The following PCDH9 variants were observed in gnomAD, a reference collection of about 807,000 sequenced individuals.
The protein encoded by PCDH9 is protocadherin-9.
A neutral mutation model predicts 70.6 loss-of-function variants in PCDH9; 24 were observed. The observed-to-expected ratio is 0.34, with a 90% CI of 0.25 to 0.48. The LOEUF (loss-of-function observed/expected upper bound fraction) is 0.48. Ranked by LOEUF, PCDH9 falls within the 20% of genes least tolerant of loss-of-function variation. The pLI is 0.99. For missense variants in PCDH9, 1,281 were observed against 1,503.6 expected, an observed-to-expected ratio of 0.85 and a Z score of 2.45; for synonymous variants, 562 against 558.5, an observed-to-expected ratio of 1.01 and a Z score of -0.09.
chr13:66,527,323 A>C (rs933318179), intron 4 of PCDH9, among the ~76,000 whole-genome samples: 1 of 151,876 alleles, frequency 6.6e-6, no homozygotes, highest in Non-Finnish European at 1.5e-5. Context: ...ATTTTTCTCT[A>C]AATTAAAAGA....
intron 2 of PCDH9, among the ~76,000 whole-genome samples, chr13:67,109,615 C>A (rs1472473818): frequency 6.6e-6 from 1 of 152,118 alleles, no homozygotes; most frequent in Non-Finnish European, 1.5e-5. Flanking sequence ...ATAAAAGTCT[C>A]TATAAAAGTT....
chr13:67,002,409 T>C (rs887750938), intron 2 of PCDH9, among the ~76,000 whole-genome samples: 1 of 151,996 alleles, frequency 6.6e-6, no homozygotes, highest in African/African-American at 2.4e-5. Flanking sequence ...ATACGTGATA[T>C]TGTATTTTAT....
intron 3 of PCDH9, among the ~76,000 whole-genome samples, chr13:66,746,586 G>C (rs2079367687): frequency 6.6e-6 from 1 of 152,070 alleles, no homozygotes; most frequent in African/African-American, 2.4e-5. Flanking sequence ...AAAATCAGTT[G>C]ACAGCCTTAA....
intron 3 of PCDH9, among the ~76,000 whole-genome samples, chr13:66,772,145 A>C (rs546430202): frequency 6.6e-6 from 1 of 152,330 alleles, no homozygotes; most frequent in African/African-American, 2.4e-5. Context: ...CTTTATGTAC[A>C]AGAAGCCACC....
At chr13:66,908,877 TGTC>T (rs1454588020) in intron 2 of PCDH9, among the ~76,000 whole-genome samples, 2 of 152,112 alleles carry the variant, frequency 1.3e-5, no homozygotes, top group African/African-American at 4.8e-5. Context: ...AAAATGAAAA[TGTC>T]GTATGATAAA....
intron 3 of PCDH9, among the ~76,000 whole-genome samples, chr13:66,891,026 A>T (rs751826196): frequency 6.6e-6 from 1 of 151,990 alleles, no homozygotes; most frequent in Non-Finnish European, 1.5e-5. Context: ...CCTTTTCCAG[A>T]ATGTCGCAGA....
At chr13:66,598,481 T>C (rs2077128835) in intron 4 of PCDH9, among the ~76,000 whole-genome samples, 1 of 151,802 alleles carries the variant, frequency 6.6e-6, no homozygotes, top group South Asian at 2.1e-4. Context: ...AATGAAGTAT[T>C]TGAGTCAGAA....
intron 2 of PCDH9, among the ~76,000 whole-genome samples, chr13:66,994,636 GT>G (rs2084072843): frequency 1.3e-5 from 2 of 152,224 alleles, no homozygotes; most frequent in Non-Finnish European, 2.9e-5. Context: ...AGCTGAGCCT[GT>G]CCAGAGGCTA....
chr13:66,307,897 T>C (rs1294392780), intron 4 of PCDH9, among the ~76,000 whole-genome samples: 1 of 152,216 alleles, frequency 6.6e-6, no homozygotes, highest in East Asian at 1.9e-4. Context: ...TTTTAAGAAA[T>C]ATAATTTATC....
At chr13:67,055,303 T>C (rs1384286596) in intron 2 of PCDH9, among the ~76,000 whole-genome samples, 1 of 152,230 alleles carries the variant, frequency 6.6e-6, no homozygotes, top group Non-Finnish European at 1.5e-5. Flanking sequence ...CTCCAGCTTA[T>C]AAATGTGAAG....
chr13:67,124,653 C>G (rs1270865309), intron 2 of PCDH9, among the ~76,000 whole-genome samples: 1 of 152,172 alleles, frequency 6.6e-6, no homozygotes, highest in Non-Finnish European at 1.5e-5. Context: ...AACCTAACAC[C>G]TATTAGCATA....
chr13:66,980,718 G>GTTT (rs1053928621), intron 2 of PCDH9, among the ~76,000 whole-genome samples: 9 of 32,320 alleles, frequency 2.8e-4, no homozygotes, highest in African/African-American at 9.9e-4. Flanking sequence ...GTTTTTTCCT[G>GTTT]TTTTTTTCTT....
rs141375215 is a variant in PCDH9 at position 67,155,966 on chromosome 13, A to G, written c.3036+69439T>C. ...GAACGTTCACCTCCCTGATTCTCACATTGCTGGCCAATTTCATCCTTCAGG... is the reference window on the plus strand; with the variant it reads ...GAACGTTCACCTCCCTGATTCTCACGTTGCTGGCCAATTTCATCCTTCAGG... On this transcript the variant is annotated intron_variant, in intron 2 of 4. Coordinates refer to ENST00000377865, the MANE Select transcript of PCDH9 (RefSeq NM_203487.3). 2.6e-3 allele frequency among the ~76,000 whole-genome samples: 392 copies of G among 152,146 alleles called. 6 individuals carry two copies. Among genetic ancestry groups the G allele is most frequent in the Admixed American group, 0.023 (355 of 15,294 alleles).
At chr13:66,380,222 C>G (rs550019777) in intron 4 of PCDH9, among the ~76,000 whole-genome samples, 94 of 152,232 alleles carry the variant, frequency 6.2e-4, no homozygotes, top group African/African-American at 2.2e-3. Context: ...TTTAAATAGA[C>G]ATGATAATTA....
intron 3 of PCDH9, among the ~76,000 whole-genome samples, chr13:66,732,641 T>TA (rs1243927335): frequency 6.6e-6 from 1 of 152,034 alleles, no homozygotes; most frequent in African/African-American, 2.4e-5. Context: ...CTTACCTGTG[T>TA]AAGAGCTGCT....
At chr13:67,165,005 A>G (rs2088071497) in intron 2 of PCDH9, among the ~76,000 whole-genome samples, 1 of 152,170 alleles carries the variant, frequency 6.6e-6, no homozygotes, top group African/African-American at 2.4e-5. Flanking sequence ...TAGCCATCTT[A>G]TTGACCATAG....
intron 3 of PCDH9, among the ~76,000 whole-genome samples, chr13:66,853,517 TA>T (rs2081348323): frequency 6.6e-6 from 1 of 152,122 alleles, no homozygotes; most frequent in South Asian, 2.1e-4. Flanking sequence ...TAGGGATATA[TA>T]TTTTTAGCCT....
chr13:67,187,780 G>A (rs894079280), intron 2 of PCDH9, among the ~76,000 whole-genome samples: 11 of 151,802 alleles, frequency 7.2e-5, no homozygotes, highest in South Asian at 2.1e-4. Context: ...TAATTATTAT[G>A]GATACATAAC....
chr13:66,550,023 T>G (rs1012753419), intron 4 of PCDH9, among the ~76,000 whole-genome samples: 2 of 152,128 alleles, frequency 1.3e-5, no homozygotes, highest in East Asian at 1.9e-4. Flanking sequence ...CCTTCTATAT[T>G]TAGCCCAAGA....
Sources: gnomAD v4.1 joint callset for allele counts (sites outside exome capture counted in the v4.1 genomes callset) on GRCh38, gnomAD v4.1.1 for gene constraint, MANE v1.5 for transcripts, NCBI Gene and HGNC (gene_info 2026-07-23, HGNC 2026-07-21) for gene names.